The following MAPDA variants were observed in gnomAD, a reference collection of about 807,000 sequenced individuals.
MAPDA encodes the protein N6-Methyl-AMP deaminase.
At chr15:43,346,023 A>T in the MAPDA span, 2 of 1,610,660 alleles carry the variant, frequency 1.2e-6, no homozygotes, top group Non-Finnish European at 1.7e-6. Flanking sequence ...TAAAAGGTAG[A>T]ATCAGTGGGA....
chr15:43,331,018 G>A, the MAPDA span, among the ~76,000 whole-genome samples: 1 of 152,292 alleles, frequency 6.6e-6, no homozygotes, highest in South Asian at 2.1e-4. Flanking sequence ...TCTCACAGTT[G>A]CAAAAGAGAA....
chr15:43,352,948 CTTTTTT>C, the MAPDA span: 1 of 140,424 alleles, frequency 7.1e-6, no homozygotes, highest in African/African-American at 2.6e-5. Context: ...CTGCAGCTCT[CTTTTTT>C]TTTTTTTTCA....
chr15:43,350,796 CACGT>C, the MAPDA span: 1 of 666,664 alleles, frequency 1.5e-6, no homozygotes, highest in Non-Finnish European at 2.5e-6. Context: ...CAAATTTTCA[CACGT>C]AAGGAAAGGT....
At chr15:43,351,816 T>A in the MAPDA span, 1 of 1,551,658 alleles carries the variant, frequency 6.4e-7, no homozygotes. Context: ...CTGAAACATT[T>A]AATTTGACCC....
At chr15:43,348,818 T>C in the MAPDA span, 2 of 1,404,208 alleles carry the variant, frequency 1.4e-6, no homozygotes, top group Non-Finnish European at 1.9e-6. Flanking sequence ...AAGTACTACT[T>C]AGAGGGGCAG....
chr15:43,335,600 G>A, the MAPDA span: 9 of 1,305,408 alleles, frequency 6.9e-6, no homozygotes, highest in East Asian at 2.2e-4. Flanking sequence ...AATCTAGTAA[G>A]CAGTTTGCCT....
At chr15:43,341,131 T>G in the MAPDA span, among the ~76,000 whole-genome samples, 5,320 of 152,260 alleles carry the variant, frequency 0.035, 312 homozygotes, top group African/African-American at 0.12. Flanking sequence ...GCACCTTGTT[T>G]ATGACCCAAA....
chr15:43,340,308 A>G, the MAPDA span: 11 of 1,614,168 alleles, frequency 6.8e-6, no homozygotes, highest in Non-Finnish European at 9.3e-6. Flanking sequence ...GACGGCGTCA[A>G]GTACCTGGAA....
chr15:43,332,911 T>C, the MAPDA span, among the ~76,000 whole-genome samples: 4 of 152,200 alleles, frequency 2.6e-5, no homozygotes. Context: ...CCAGAAAAGT[T>C]AAATTTGTCA....
At chr15:43,333,283 G>T in the MAPDA span, 4 of 152,050 alleles carry the variant, frequency 2.6e-5, no homozygotes, top group African/African-American at 9.7e-5. Context: ...GGGCATTGTG[G>T]TGCATGCCTG....
At chr15:43,352,052 C>T in the MAPDA span, 2 of 1,175,984 alleles carry the variant, frequency 1.7e-6, no homozygotes, top group African/African-American at 3.1e-5. Flanking sequence ...CAACCAAGTT[C>T]CTTGGGCTCT....
the MAPDA span, among the ~76,000 whole-genome samples, chr15:43,339,426 C>G: frequency 3.9e-5 from 6 of 152,168 alleles, no homozygotes; most frequent in African/African-American, 1.4e-4. Context: ...TATGAATTCA[C>G]CAAGGTAGTG....
chr15:43,344,111 A>G, the MAPDA span, among the ~76,000 whole-genome samples: 7 of 150,230 alleles, frequency 4.7e-5, no homozygotes, highest in Admixed American at 4.6e-4. Flanking sequence ...GTAAGGGGGG[A>G]AAAACCTCTC....
At chr15:43,341,946 C>G in the MAPDA span, among the ~76,000 whole-genome samples, 1 of 152,076 alleles carries the variant, frequency 6.6e-6, no homozygotes, top group Non-Finnish European at 1.5e-5. Context: ...TCAAGTGATT[C>G]TCCTGCCTCA....
At chr15:43,344,545 A>G in the MAPDA span, among the ~76,000 whole-genome samples, 1 of 152,200 alleles carries the variant, frequency 6.6e-6, no homozygotes, top group Non-Finnish European at 1.5e-5. Context: ...ACAGTGGCTC[A>G]TGCCTGTAAT....
the MAPDA span, among the ~76,000 whole-genome samples, chr15:43,348,193 G>T: frequency 6.6e-6 from 1 of 152,200 alleles, no homozygotes; most frequent in Admixed American, 6.5e-5. Flanking sequence ...ACATTTTCAT[G>T]GTGATTGTGG....
the MAPDA span, chr15:43,330,474 G>T: frequency 6.6e-7 from 1 of 1,522,060 alleles, no homozygotes; most frequent in Non-Finnish European, 8.8e-7. Context: ...CGACGCTCAC[G>T]GCTCCGGGGG....
the MAPDA span, chr15:43,350,897 C>G: frequency 6.8e-7 from 1 of 1,478,642 alleles, no homozygotes; most frequent in Admixed American, 2.0e-5. Context: ...AATGAGTTCA[C>G]TTATTTGCTT....
the MAPDA span, among the ~76,000 whole-genome samples, chr15:43,343,991 A>G: frequency 5.9e-5 from 9 of 152,022 alleles, no homozygotes; most frequent in Admixed American, 4.6e-4. Flanking sequence ...ATATATTACA[A>G]TACTGTTTCA....
Sources: gnomAD v4.1 joint callset for allele counts (sites outside exome capture counted in the v4.1 genomes callset) on GRCh38, gnomAD v4.1.1 for gene constraint, MANE v1.5 for transcripts, NCBI Gene and HGNC (gene_info 2026-07-23, HGNC 2026-07-21) for gene names.